Variants in CRYZ observed in about 807,000 individuals in gnomAD.
CRYZ encodes the protein crystallin zeta.
In CRYZ, 35 loss-of-function variants were observed where a neutral mutation model predicts 34.1. That is an observed-to-expected ratio of 1.03 (90% confidence interval 0.78 to 1.36). The LOEUF is 1.36. CRYZ is among the 40% of genes most tolerant of loss of function. CRYZ has a pLI of 0.00. For synonymous variants in CRYZ, 137 were observed against 136.5 expected (o/e 1.00, Z -0.03); for missense variants, 403 against 391.8 (o/e 1.03, Z -0.24).
At chr1:74,714,987 C>T (rs1209480988) in intron 4 of CRYZ, among the ~76,000 whole-genome samples, 1 of 152,130 alleles carries the variant, frequency 6.6e-6, no homozygotes, top group Non-Finnish European at 1.5e-5. Context: ...ATATCCCCCA[C>T]AGAAAGGGCC....
intron 2 of CRYZ, 33 bp from the exon 3 acceptor site, chr1:74,723,303 G>T (rs538824315): frequency 1.9e-6 from 3 of 1,596,862 alleles, no homozygotes; most frequent in African/African-American, 2.7e-5. Flanking sequence ...TTCACAGAAA[G>T]AATTTAGGCA....
chr1:74,707,072 T>TA (rs10601033), intron 7 of CRYZ, 31 bp downstream of exon 7: 83,972 of 1,375,858 alleles, frequency 0.061, 222 homozygotes, highest in Non-Finnish European at 0.068. Flanking sequence ...ATTAAAGTGG[T>TA]AAAAAAAAAA....
At chr1:74,711,168 C>T (rs2100696997) in intron 5 of CRYZ, among the ~76,000 whole-genome samples, 1 of 152,250 alleles carries the variant, frequency 6.6e-6, no homozygotes, top group East Asian at 1.9e-4. Flanking sequence ...AAGATGAGGC[C>T]AGAAAGGCCA....
At chr1:74,710,784 A>C (rs1384375369) in intron 5 of CRYZ, among the ~76,000 whole-genome samples, 1 of 152,234 alleles carries the variant, frequency 6.6e-6, no homozygotes, top group Non-Finnish European at 1.5e-5. Flanking sequence ...ATGTTTATAG[A>C]GTGTTTACGA....
At position 74,705,664 on chromosome 1, in the gene CRYZ, G is replaced by A. The variant is rs927072354; in HGVS notation, c.*632C>T. ...AATTGCGAAGTATTACCTATTTGGA[G>A]ACTATGTATTATATCAAAGATAAAG... On this transcript the variant is annotated 3_prime_UTR_variant, in exon 9 of 9. Coordinates refer to ENST00000340866, the MANE Select transcript of CRYZ (RefSeq NM_001889.4). 2.6e-5 allele frequency: 4 copies of A among 152,074 alleles called. No individual in the cohort carries two copies. Among genetic ancestry groups the A allele is most frequent in the African/African-American group, 9.7e-5 (4 of 41,418 alleles). 9.4% of individuals were successfully genotyped at this position (152,074 alleles called of 1,614,324 possible). A position where few individuals can be genotyped will look rare whatever the true frequency, so the allele number is the denominator to read the frequency against.
chr1:74,709,343 T>C (rs895840348), intron 6 of CRYZ, among the ~76,000 whole-genome samples: 43 of 152,290 alleles, frequency 2.8e-4, no homozygotes, highest in African/African-American at 9.6e-4. Flanking sequence ...TCAGCAGTGC[T>C]AGATCTTAGG....
rs139408965 is a variant in CRYZ at position 74,711,666 on chromosome 1, G to A, written c.481-1419C>T. 1.4e-3 allele frequency among the ~76,000 whole-genome samples: 214 copies of A among 151,690 alleles called. 2 individuals are homozygous for A. Among genetic ancestry groups the A allele is most frequent in the African/African-American group, 4.9e-3 (203 of 41,336 alleles). ...TGTGGGAGGCTGAGGCAGGAGGATC[G>A]CTTGGGCCCAGGAATTTGAGGAGTT... is the stretch of plus-strand genomic sequence containing the variant. On this transcript the variant is annotated intron_variant, in intron 5 of 8. Coordinates refer to ENST00000340866, the MANE Select transcript of CRYZ (RefSeq NM_001889.4).
chr1:74,714,496 A>T lies in CRYZ; in HGVS notation c.480+83T>A. 4 of 1,337,398 alleles carry T rather than the reference A, an allele frequency of 3.0e-6. No homozygotes were observed. In the South Asian group the frequency reaches 5.2e-5, roughly 17 times the overall value. 82.8% of individuals were successfully genotyped at this position (1,337,398 alleles called of 1,614,324 possible). A position where few individuals can be genotyped will look rare whatever the true frequency, so the allele number is the denominator to read the frequency against. ...ACCTTTGACTCTATTTATAAATCTG[A>T]CTTTTAAAAATGACCAAAGGAACTA... On this transcript the variant is annotated intron_variant, in intron 5 of 8. Transcript: ENST00000340866.
At position 74,706,973 on chromosome 1, in the gene CRYZ, T is replaced by C. The variant is rs756034331; in HGVS notation, c.754A>G (p.Ile252Val). 1.9e-6 allele frequency: 3 copies of C among 1,612,758 alleles called. No homozygotes were observed. Among genetic ancestry groups the C allele is most frequent in the Non-Finnish European group, 2.5e-6 (3 of 1,179,308 alleles). ...ATGGTGTCTCGTGGGTTTATTTCAA[T>C]AGTACCTCTGCTGCCAACAACCTAA... Reference protein sequence around the residue: ...RVIVVGSRGTIEINPRDTMAK... With the variant: ...RVIVVGSRGTVEINPRDTMAK... The change falls in exon 8 of 9, where the codon ATT (isoleucine) becomes GTT (valine). Residue 252 changes from isoleucine to valine, a missense_variant. By Grantham distance (29) the Ile-to-Val change is conservative. Transcript: ENST00000340866.
At position 74,706,116 on chromosome 1, in the gene CRYZ, A is replaced by C. The variant is rs890210853; in HGVS notation, c.*180T>G. ...TGATTTGAGACAGATGGCATAAAAA[A>C]ATATTGCTAGCTATACAATAAATTT... On this transcript the variant is annotated 3_prime_UTR_variant, in exon 9 of 9. Coordinates refer to ENST00000340866, the MANE Select transcript of CRYZ (RefSeq NM_001889.4). The C allele has an allele frequency of 2.0e-6, 1 of 490,970 alleles. No individual in the cohort carries two copies. 30.4% of individuals were successfully genotyped at this position (490,970 alleles called of 1,614,324 possible).
chr1:74,718,443 T>C (rs1647105868), intron 4 of CRYZ, among the ~76,000 whole-genome samples: 1 of 152,144 alleles, frequency 6.6e-6, no homozygotes, highest in Non-Finnish European at 1.5e-5. Context: ...ATGGATAAGC[T>C]CTATAATCTG....
At position 74,710,508 on chromosome 1, in the gene CRYZ, G is replaced by C. The variant is rs60099743; in HGVS notation, c.481-261C>G. The stretch of plus-strand genomic sequence containing the variant: ...AGTAGATACTATTATTGTCCCTATT[G>C]TACAGATAAGAAAGTTGAAGCTTCA... On this transcript the variant is annotated intron_variant, in intron 5 of 8. Transcript: ENST00000340866. Among the ~76,000 whole-genome samples the C allele has an allele frequency of 0.042, 6,367 of 152,184 alleles. 427 individuals carry two copies. Among genetic ancestry groups the C allele is most frequent in the African/African-American group, 0.14 (5,877 of 41,486 alleles).
Position 74,719,327 on chromosome 1 carries a change from C to CAT in CRYZ, c.308_309dup (p.Ala104MetfsTer38). 6.2e-7 allele frequency: 1 copy of CAT among 1,613,518 alleles called. No homozygotes were observed. The highest frequency in any genetic ancestry group is 8.5e-7 in the Non-Finnish European group (1 of 1,179,502). On this transcript the variant is annotated frameshift_variant, in exon 4 of 9. Transcript: ENST00000340866. LOFTEE classifies it high-confidence loss of function. ...TGGTCTGCTGCAAGAGCATACTCTGCATAACCCCCAGAGATCGTGCTGCTA... is the reference window on the plus strand; with the variant it reads ...TGGTCTGCTGCAAGAGCATACTCTGCATATAACCCCCAGAGATCGTGCTGCTA...
intron 1 of CRYZ, among the ~76,000 whole-genome samples, chr1:74,726,961 T>A (rs113950178): frequency 2.1e-4 from 32 of 152,198 alleles, no homozygotes; most frequent in African/African-American, 7.5e-4. Flanking sequence ...AAAGTCACCT[T>A]TGCTCAGTTC....
rs1647044659 is a variant in CRYZ at position 74,714,493 on chromosome 1, C to T, written c.480+86G>A. 3.0e-6 allele frequency: 4 copies of T among 1,314,510 alleles called. No individual in the cohort carries two copies. The East Asian group carries it at 9.3e-5, about 31-fold the overall frequency. 81.4% of individuals were successfully genotyped at this position (1,314,510 alleles called of 1,614,324 possible). A position where few individuals can be genotyped will look rare whatever the true frequency, so the allele number is the denominator to read the frequency against. ...AGCACCTTTGACTCTATTTATAAAT[C>T]TGACTTTTAAAAATGACCAAAGGAA... On this transcript the variant is annotated intron_variant, in intron 5 of 8. Transcript: ENST00000340866.
At chr1:74,717,582 C>T (rs1647095477) in intron 4 of CRYZ, among the ~76,000 whole-genome samples, 1 of 152,196 alleles carries the variant, frequency 6.6e-6, no homozygotes, top group South Asian at 2.1e-4. Context: ...GAACTTTATA[C>T]ACATTACCTC....
intron 8 of CRYZ, 121 bp downstream of exon 8, chr1:74,706,778 C>T: frequency 3.7e-6 from 3 of 814,924 alleles, no homozygotes; most frequent in South Asian, 2.9e-5. Context: ...GTGACTAATC[C>T]TTACCAACTC....
At chr1:74,728,881 G>A (rs28548316) in intron 1 of CRYZ, among the ~76,000 whole-genome samples, 5,742 of 152,216 alleles carry the variant, frequency 0.038, 155 homozygotes, top group Non-Finnish European at 0.059. Context: ...GCAGGCCTAC[G>A]GCATAAACAC....
intron 1 of CRYZ, among the ~76,000 whole-genome samples, chr1:74,726,295 C>T (rs915534091): frequency 1.3e-5 from 2 of 152,240 alleles, no homozygotes; most frequent in Non-Finnish European, 2.9e-5. Flanking sequence ...GGAATTTCCA[C>T]ACAACCTCTG....
Sources: gnomAD v4.1 joint callset for allele counts (sites outside exome capture counted in the v4.1 genomes callset) on GRCh38, gnomAD v4.1.1 for gene constraint, MANE v1.5 for transcripts, NCBI Gene and HGNC (gene_info 2026-07-23, HGNC 2026-07-21) for gene names.